ADGRB3: variants seen among roughly 807,000 people sequenced by gnomAD.
The protein encoded by ADGRB3 is adhesion G protein-coupled receptor B3.
ADGRB3 carries 37 observed loss-of-function variants against 193.4 expected under a neutral mutation model. The ratio of observed to expected loss-of-function variants is 0.19; its 90% CI spans 0.15 to 0.25. The LOEUF is 0.25. ADGRB3 is among the 10% of genes least tolerant of loss of function. The pLI, the probability that ADGRB3 is intolerant of heterozygous loss-of-function variation, is 1.00. For missense variants in ADGRB3, 1,637 were observed against 1,852.9 expected, an observed-to-expected ratio of 0.88 and a Z score of 2.14; for synonymous variants, 690 against 644.2, an observed-to-expected ratio of 1.07 and a Z score of -1.08.
At chr6:69,374,084 C>T (rs955463635) in intron 30 of ADGRB3, among the ~76,000 whole-genome samples, 12 of 152,022 alleles carry the variant, frequency 7.9e-5, no homozygotes, top group Middle Eastern at 3.4e-3. Context: ...ACAAGAACCC[C>T]GGACATGTCT....
intron 13 of ADGRB3, among the ~76,000 whole-genome samples, chr6:69,035,719 A>C (rs1164154214): frequency 6.6e-6 from 1 of 152,148 alleles, no homozygotes; most frequent in African/African-American, 2.4e-5. Context: ...GTTTTAATTT[A>C]GATAGGGTCT....
chr6:69,291,278 T>C (rs1215169879), intron 20 of ADGRB3, among the ~76,000 whole-genome samples: 2 of 152,168 alleles, frequency 1.3e-5, no homozygotes, highest in African/African-American at 4.8e-5. Flanking sequence ...TAAGCATTAC[T>C]TGAGCATGTA....
chr6:68,638,674 G>A lies in ADGRB3; in HGVS notation c.-2G>A. 1 of 1,610,158 alleles carries A rather than the reference G, an allele frequency of 6.2e-7. No homozygotes were observed. On this transcript the variant is annotated 5_prime_UTR_variant, in exon 3 of 32. It removes the in-frame stop codon of an upstream open reading frame in the 5' UTR. Transcript: ENST00000370598. ...CCATTTTTACAGGCCAAATGACATA[G>A]GATGAAGGCTGTTCGTAACCTGCTG...
chr6:68,739,658 T>C (rs1395150612), intron 3 of ADGRB3, among the ~76,000 whole-genome samples: 2 of 152,042 alleles, frequency 1.3e-5, no homozygotes, highest in Admixed American at 6.6e-5. Context: ...GTGTTTAAGA[T>C]ATGGAAAGAG....
chr6:68,838,713 A>G (rs538950778), intron 3 of ADGRB3, among the ~76,000 whole-genome samples: 2 of 152,304 alleles, frequency 1.3e-5, no homozygotes, highest in Admixed American at 1.3e-4. Flanking sequence ...AGTTTATACA[A>G]ATTGCTTTAC....
chr6:68,710,069 G>GT (rs1381551748), intron 3 of ADGRB3, among the ~76,000 whole-genome samples: 1 of 152,170 alleles, frequency 6.6e-6, no homozygotes. Flanking sequence ...GAGCTAGTCT[G>GT]TGGACAGCAA....
At chr6:69,139,994 A>G (rs2150337376) in intron 17 of ADGRB3, among the ~76,000 whole-genome samples, 1 of 152,330 alleles carries the variant, frequency 6.6e-6, no homozygotes, top group East Asian at 1.9e-4. Flanking sequence ...ACACACTAGA[A>G]CTAGAGTCTG....
chr6:69,112,504 A>G (rs1773394962), intron 17 of ADGRB3, among the ~76,000 whole-genome samples: 1 of 152,086 alleles, frequency 6.6e-6, no homozygotes, highest in South Asian at 2.1e-4. Context: ...CAAGTTAGGT[A>G]CGCTTCACAA....
intron 16 of ADGRB3, 31 bp from the exon 17 acceptor site, chr6:69,075,964 T>C (rs761036153): frequency 2.8e-5 from 43 of 1,558,962 alleles, no homozygotes; most frequent in Non-Finnish European, 3.5e-5. Context: ...GTACTCAAGA[T>C]ATATGCATTC....
At chr6:68,765,438 G>T (rs919236650) in intron 3 of ADGRB3, among the ~76,000 whole-genome samples, 1 of 151,590 alleles carries the variant, frequency 6.6e-6, no homozygotes, top group Non-Finnish European at 1.5e-5. Flanking sequence ...AACACCGATC[G>T]CATTTTCTGT....
intron 17 of ADGRB3, among the ~76,000 whole-genome samples, chr6:69,205,392 A>G (rs888057010): frequency 2.7e-5 from 3 of 111,098 alleles, no homozygotes; most frequent in African/African-American, 1.5e-4. Flanking sequence ...AGAATAAAAG[A>G]CCTTTTTTTT....
At chr6:69,314,624 G>T (rs1768273458) in intron 20 of ADGRB3, among the ~76,000 whole-genome samples, 1 of 151,514 alleles carries the variant, frequency 6.6e-6, no homozygotes, top group South Asian at 2.1e-4. Flanking sequence ...TTTCAAGAAA[G>T]AACTAAAATC....
At chr6:68,862,158 T>C (rs1406077384) in intron 3 of ADGRB3, among the ~76,000 whole-genome samples, 5 of 136,972 alleles carry the variant, frequency 3.7e-5, no homozygotes, top group East Asian at 2.4e-4. Flanking sequence ...AATTCAGCAA[T>C]GCTTTCTCCT....
chr6:69,096,251 G>A (rs1185094617), intron 17 of ADGRB3, among the ~76,000 whole-genome samples: 6 of 151,718 alleles, frequency 4.0e-5, no homozygotes, highest in African/African-American at 9.7e-5. Context: ...TTTTTATATT[G>A]TGATGCCTAA....
intron 5 of ADGRB3, among the ~76,000 whole-genome samples, chr6:68,937,935 A>T (rs1248771659): frequency 6.6e-6 from 1 of 152,194 alleles, no homozygotes; most frequent in Non-Finnish European, 1.5e-5. Flanking sequence ...TTTTATCACA[A>T]TAAAAAAGGA....
rs1022764757 is a variant in ADGRB3 at position 68,640,226 on chromosome 6, C to T, written c.757+794C>T. 7.9e-5 allele frequency among the ~76,000 whole-genome samples: 12 copies of T among 152,040 alleles called. No individual in the cohort carries two copies. The East Asian group carries it at 1.9e-3, about 25-fold the overall frequency. On this transcript the variant is annotated intron_variant, in intron 3 of 31. Coordinates refer to ENST00000370598, the MANE Select transcript of ADGRB3 (RefSeq NM_001704.3). ...TTTTTGCCTTTATCTTCTTAGTCCC[C>T]GGTTGACGTACACGAAGAGAGGGAA...
At chr6:69,132,744 T>C (rs1774045843) in intron 17 of ADGRB3, among the ~76,000 whole-genome samples, 1 of 152,130 alleles carries the variant, frequency 6.6e-6, no homozygotes, top group Non-Finnish European at 1.5e-5. Context: ...TCTTCTAGGG[T>C]TTTTATGGTT....
At chr6:68,638,550 G>T in intron 2 of ADGRB3, 111 bp from the exon 3 acceptor site, 1 of 1,123,734 alleles carries the variant, frequency 8.9e-7, no homozygotes. Context: ...CTTTTAAAAA[G>T]GGCTTTTTAC....
At chr6:68,883,878 T>C (rs1383872770) in intron 3 of ADGRB3, among the ~76,000 whole-genome samples, 2 of 152,214 alleles carry the variant, frequency 1.3e-5, no homozygotes, top group Non-Finnish European at 2.9e-5. Flanking sequence ...GTTACAACTA[T>C]ATGTATCTCA....
Sources: allele counts gnomAD v4.1 joint callset (sites outside exome capture counted in the v4.1 genomes callset), GRCh38; gene constraint gnomAD v4.1.1; transcripts MANE v1.5; gene names NCBI Gene and HGNC (gene_info 2026-07-23, HGNC 2026-07-21).